Variants in PPARG observed in about 807,000 individuals in gnomAD.
PPARG encodes the protein peroxisome proliferator activated receptor gamma, also known as peroxisome proliferator-activated receptor gamma.
PPARG carries 17 observed loss-of-function variants against 39.2 expected under a neutral mutation model. That is an observed-to-expected ratio of 0.43 (90% CI 0.30 to 0.65). PPARG has a LOEUF of 0.65. PPARG is among the 30% of genes least tolerant of loss of function. The probability of loss-of-function intolerance (pLI) is 0.13; values close to 1 mark genes in which losing one functional copy is unlikely to be tolerated. For synonymous variants in PPARG, 223 were observed against 215.7 expected, an observed-to-expected ratio of 1.03 and a Z score of -0.30; for missense variants, 406 against 585.9, an observed-to-expected ratio of 0.69 and a Z score of 3.17.
At chr3:12,295,370 T>A (rs1452720276) in intron 1 of PPARG, among the ~76,000 whole-genome samples, 4 of 151,866 alleles carry the variant, frequency 2.6e-5, no homozygotes, top group Non-Finnish European at 5.9e-5. Context: ...TCCAGAAGAG[T>A]GAAGAAAATA....
At chr3:12,414,059 G>A (rs1239800723) in intron 6 of PPARG, among the ~76,000 whole-genome samples, 4 of 152,112 alleles carry the variant, frequency 2.6e-5, no homozygotes, top group African/African-American at 7.2e-5. Flanking sequence ...GGAAGTAAAG[G>A]GGAAGAGTGA....
At chr3:12,332,886 G>T (rs1171479195) in intron 2 of PPARG, among the ~76,000 whole-genome samples, 1 of 152,008 alleles carries the variant, frequency 6.6e-6, no homozygotes, top group African/African-American at 2.4e-5. Flanking sequence ...TTAAAAATTG[G>T]CTGGGCATGG....
intron 2 of PPARG, among the ~76,000 whole-genome samples, chr3:12,379,164 C>T (rs2049528487): frequency 6.6e-6 from 1 of 151,714 alleles, no homozygotes; most frequent in Non-Finnish European, 1.5e-5. Context: ...GCTACCACAC[C>T]CGGCCAATTT....
At chr3:12,412,678 G>A (rs959357433) in intron 6 of PPARG, among the ~76,000 whole-genome samples, 1 of 152,144 alleles carries the variant, frequency 6.6e-6, no homozygotes, top group Non-Finnish European at 1.5e-5. Flanking sequence ...TGAAGCTAAT[G>A]AAGCTTCATG....
intron 7 of PPARG, among the ~76,000 whole-genome samples, chr3:12,417,877 C>CTTTTTTTTTTTTTT (rs1248011965): frequency 6.2e-5 from 4 of 64,556 alleles, no homozygotes; most frequent in African/African-American, 9.3e-5. Context: ...TGACTTTTTT[C>CTTTTTTTTTTTTTT]TTTTTTTTTT....
intron 2 of PPARG, among the ~76,000 whole-genome samples, chr3:12,314,449 A>G (rs775046547): frequency 6.6e-6 from 1 of 152,214 alleles, no homozygotes; most frequent in Non-Finnish European, 1.5e-5. Flanking sequence ...GATCAAGGTC[A>G]ATATCAAGGA....
intron 5 of PPARG, among the ~76,000 whole-genome samples, 195 bp downstream of exon 5, chr3:12,392,947 G>C (rs2050132428): frequency 6.6e-6 from 1 of 152,164 alleles, no homozygotes; most frequent in Non-Finnish European, 1.5e-5. Context: ...TCTCTCTGTG[G>C]TTGGGCATCT....
intron 2 of PPARG, among the ~76,000 whole-genome samples, chr3:12,359,674 C>CTTTTTTTTTTTTTTTTTTTTTT (rs71628752): frequency 7.7e-6 from 1 of 129,850 alleles, no homozygotes; most frequent in African/African-American, 2.9e-5. Flanking sequence ...TCTTTTATTT[C>CTTTTTTTTTTTTTTTTTTTTTT]TTTTTTTTTT....
At chr3:12,288,204 C>T (rs1181251527), upstream of PPARG, among the ~76,000 whole-genome samples, 1 of 151,618 alleles carries the variant, frequency 6.6e-6, no homozygotes, top group East Asian at 2.0e-4. Context: ...GGGTCCGGGG[C>T]TGAGGCAGGG....
Position 12,379,802 on chromosome 3 carries a change from G to A in PPARG, c.91G>A (p.Asp31Asn). Residue 31 changes from aspartate (D) to asparagine (N), a missense_variant, in exon 3 of 8, where the codon GAT becomes AAT. Physicochemically the swap from Asp to Asn is conservative, Grantham distance 23. This residue lies in a region of PPARG where 131 missense variants were observed against 127.9 expected (regional missense o/e 1.02). Transcript: ENST00000651735. ...SVMEDHSHSF[D>N]IKPFTTVDFS... is the part of the protein sequence containing the mutation. ...AATGGAAGACCACTCCCACTCCTTT[G>A]ATATCAAGCCCTTCACTACTGTTGA... 2 of 1,614,004 alleles carry A rather than the reference G, an allele frequency of 1.2e-6. No homozygotes were observed. Among genetic ancestry groups the A allele is most frequent in the Non-Finnish European group, 1.7e-6 (2 of 1,179,940 alleles).
chr3:12,345,717 C>A (rs548442256), intron 2 of PPARG, among the ~76,000 whole-genome samples: 23 of 152,282 alleles, frequency 1.5e-4, no homozygotes, highest in African/African-American at 5.1e-4. Flanking sequence ...TTCAACAGTA[C>A]GTAAATTTCC....
chr3:12,369,972 C>G (rs2049151174), intron 2 of PPARG, among the ~76,000 whole-genome samples: 1 of 152,154 alleles, frequency 6.6e-6, no homozygotes, highest in African/African-American at 2.4e-5. Context: ...CTAGGCTGCT[C>G]TGTATCTGTA....
At chr3:12,400,681 G>A (rs369668110) in intron 5 of PPARG, among the ~76,000 whole-genome samples, 11 of 152,324 alleles carry the variant, frequency 7.2e-5, no homozygotes, top group African/African-American at 1.9e-4. Context: ...CAGACAGAAT[G>A]TAATTTTTTT....
chr3:12,403,013 C>G (rs1347535997), intron 5 of PPARG, among the ~76,000 whole-genome samples: 2 of 152,116 alleles, frequency 1.3e-5, no homozygotes, highest in Admixed American at 1.3e-4. Context: ...GTTCCTATGG[C>G]CAGGTGTCAT....
intron 7 of PPARG, among the ~76,000 whole-genome samples, chr3:12,428,294 C>T (rs544300592): frequency 1.6e-4 from 24 of 152,188 alleles, no homozygotes; most frequent in Non-Finnish European, 3.1e-4. Context: ...GGATGGAGAC[C>T]GGAAAGGTTT....
chr3:12,403,644 C>A (rs1047194785), intron 5 of PPARG, among the ~76,000 whole-genome samples: 3 of 152,204 alleles, frequency 2.0e-5, no homozygotes, highest in Non-Finnish European at 4.4e-5. Flanking sequence ...GTGTGAGCTA[C>A]CACACCCAGC....
At chr3:12,345,653 T>G (rs1223180048) in intron 2 of PPARG, among the ~76,000 whole-genome samples, 7 of 152,168 alleles carry the variant, frequency 4.6e-5, no homozygotes, top group Admixed American at 2.0e-4. Context: ...ATATCAAAAA[T>G]TAAGAGTTGG....
At position 12,392,571 on chromosome 3, in the gene PPARG, G is replaced by C. The variant is rs4135332; in HGVS notation, c.391-43G>C. ...TCGCTGTAGGTTGCTGCTTCCATGT[G>C]TCATAAAGACTTAAAATTTGCTTCT... On this transcript the variant is annotated intron_variant, in intron 4 of 7. Coordinates refer to ENST00000651735, the MANE Select transcript of PPARG (RefSeq NM_138711.6). The C allele has an allele frequency of 3.3e-3, 5,373 of 1,610,712 alleles. 165 individuals are homozygous for C. The African/African-American group carries it at 0.062, about 18-fold the overall frequency.
chr3:12,329,515 C>G (rs2047790633), intron 2 of PPARG, among the ~76,000 whole-genome samples: 1 of 152,156 alleles, frequency 6.6e-6, no homozygotes, highest in African/African-American at 2.4e-5. Context: ...ACAAATTTTC[C>G]TATGAAAACC....
Sources: gnomAD v4.1 joint callset for allele counts (sites outside exome capture counted in the v4.1 genomes callset) on GRCh38, gnomAD v4.1.1 for gene constraint, gnomAD v4.1.1 regional missense constraint, MANE v1.5 for transcripts, NCBI Gene and HGNC (gene_info 2026-07-23, HGNC 2026-07-21) for gene names.